Variants in RAB22A observed in about 807,000 individuals in gnomAD.
RAB22A encodes the protein ras-related protein Rab-22A.
In RAB22A, 13 loss-of-function variants were observed where a neutral mutation model predicts 30.2. The observed-to-expected ratio is 0.43, with a 90% CI of 0.28 to 0.68. The LOEUF (loss-of-function observed/expected upper bound fraction) is 0.68, where lower values mean the gene tolerates loss of function less well. RAB22A is among the 30% of genes least tolerant of loss of function. The pLI is 0.18. For synonymous variants in RAB22A, 89 were observed against 87.2 expected, an observed-to-expected ratio of 1.02 and a Z score of -0.11; for missense variants, 177 against 246.8, an observed-to-expected ratio of 0.72 and a Z score of 1.89.
At chr20:58,325,796 G>A (rs999396922) in intron 2 of RAB22A, among the ~76,000 whole-genome samples, 15 of 152,134 alleles carry the variant, frequency 9.9e-5, no homozygotes, top group Admixed American at 6.5e-4. Context: ...ATGTTTATTT[G>A]AAAAGGTTGT....
intron 3 of RAB22A, among the ~76,000 whole-genome samples, chr20:58,352,573 T>G (rs1487968521): frequency 6.6e-6 from 1 of 152,174 alleles, no homozygotes; most frequent in African/African-American, 2.4e-5. Flanking sequence ...TTGAGAGAAA[T>G]AGCTCACTGA....
chr20:58,317,221 C>T (rs148835985), intron 2 of RAB22A, among the ~76,000 whole-genome samples: 2,911 of 152,128 alleles, frequency 0.019, 35 homozygotes, highest in Middle Eastern at 0.031. Context: ...TTCGACCTCC[C>T]GAGTAGCTGG....
chr20:58,334,221 A>G (rs1303931556), intron 2 of RAB22A, among the ~76,000 whole-genome samples: 2 of 151,838 alleles, frequency 1.3e-5, no homozygotes, highest in Non-Finnish European at 2.9e-5. Context: ...TGTAATCCCA[A>G]CTACTTGGGA....
chr20:58,322,555 G>C (rs1986481611), intron 2 of RAB22A, among the ~76,000 whole-genome samples: 1 of 152,162 alleles, frequency 6.6e-6, no homozygotes, highest in South Asian at 2.1e-4. Flanking sequence ...TTGGCCCCAT[G>C]TTAATGATTC....
At chr20:58,333,958 T>C (rs1404389499) in intron 2 of RAB22A, among the ~76,000 whole-genome samples, 2 of 152,122 alleles carry the variant, frequency 1.3e-5, no homozygotes, top group East Asian at 3.8e-4. Context: ...CTTGGGAGAC[T>C]GAGGTGGGAG....
Position 58,311,049 on chromosome 20 carries a change from G to A in RAB22A, c.43G>A (p.Gly15Ser), listed in dbSNP as rs6026192. The A allele has an allele frequency of 1.2e-6, 2 of 1,601,748 alleles. No individual in the cohort carries two copies. The highest frequency in any genetic ancestry group is 1.3e-5 in the African/African-American group (1 of 74,622). Residue 15 changes from glycine (G) to serine (S), a missense_variant, in exon 2 of 7, where the codon GGT becomes AGT. Physicochemically the swap from Gly to Ser is moderately conservative, Grantham distance 56. Transcript: ENST00000244040. ...ELKVCLLGDT[G>S]VGKSSIVWRF... ...TCATCTCGTTCTCTTTCAGGATACA[G>A]GTGTAGGTAAATCGAGTATTGTGTG... is the stretch of plus-strand genomic sequence containing the variant.
Position 58,359,717 on chromosome 20 carries a change from T to A in RAB22A, c.*14T>A. On this transcript the variant is annotated 3_prime_UTR_variant, in exon 7 of 7. Transcript: ENST00000244040. ...AGCTGCTGCTGACCGAACCTCAGCC[T>A]CTCAGACTTGATGATGAAGTAGGTG... is the stretch of plus-strand genomic sequence containing the variant. 1 of 1,588,038 alleles carries A rather than the reference T, an allele frequency of 6.3e-7. No individual in the cohort carries two copies. Among genetic ancestry groups the A allele is most frequent in the Non-Finnish European group, 8.6e-7 (1 of 1,157,092 alleles).
intron 2 of RAB22A, among the ~76,000 whole-genome samples, chr20:58,343,156 A>AG (rs1202120848): frequency 2.6e-5 from 4 of 152,140 alleles, no homozygotes; most frequent in Non-Finnish European, 5.9e-5. Context: ...GGTGGTCGTC[A>AG]GGGGCACTGA....
At chr20:58,338,321 C>T (rs1003290785) in intron 2 of RAB22A, among the ~76,000 whole-genome samples, 7 of 152,162 alleles carry the variant, frequency 4.6e-5, no homozygotes, top group Admixed American at 3.9e-4. Flanking sequence ...CCACCGTGCC[C>T]AGCCTGTTTA....
intron 2 of RAB22A, among the ~76,000 whole-genome samples, chr20:58,341,180 C>G (rs1189025761): frequency 6.6e-6 from 1 of 152,154 alleles, no homozygotes; most frequent in Non-Finnish European, 1.5e-5. Flanking sequence ...AACCTGTTTT[C>G]TCTGAGAAGG....
intron 2 of RAB22A, among the ~76,000 whole-genome samples, chr20:58,327,245 A>C (rs574402527): frequency 6.6e-6 from 1 of 152,238 alleles, no homozygotes; most frequent in Non-Finnish European, 1.5e-5. Flanking sequence ...AAATATTGCT[A>C]AGTAACAAAT....
At chr20:58,331,695 T>C (rs1459508778) in intron 2 of RAB22A, among the ~76,000 whole-genome samples, 1 of 152,140 alleles carries the variant, frequency 6.6e-6, no homozygotes, top group African/African-American at 2.4e-5. Context: ...GGGATACGGT[T>C]CTGGTTCTCC....
chr20:58,331,650 T>C (rs1986662162), intron 2 of RAB22A, among the ~76,000 whole-genome samples: 1 of 152,192 alleles, frequency 6.6e-6, no homozygotes, highest in African/African-American at 2.4e-5. Context: ...TATTTGGCAT[T>C]ATCTTGACTT....
intron 2 of RAB22A, among the ~76,000 whole-genome samples, chr20:58,316,255 G>C (rs1444138735): frequency 6.6e-6 from 1 of 152,116 alleles, no homozygotes; most frequent in African/African-American, 2.4e-5. Context: ...CAGAATTCCT[G>C]CCCTCCCTGC....
chr20:58,357,436 G>A (rs899920002), intron 6 of RAB22A, among the ~76,000 whole-genome samples: 3 of 152,000 alleles, frequency 2.0e-5, no homozygotes, highest in Non-Finnish European at 4.4e-5. Context: ...CAACTCCTTC[G>A]ATGGATTGAA....
At chr20:58,352,659 C>G (rs1987072059) in intron 3 of RAB22A, among the ~76,000 whole-genome samples, 1 of 152,124 alleles carries the variant, frequency 6.6e-6, no homozygotes, top group Admixed American at 6.5e-5. Flanking sequence ...TTGTGGAGGC[C>G]AGGGTGACCA....
intron 2 of RAB22A, among the ~76,000 whole-genome samples, chr20:58,328,605 A>G (rs1038400108): frequency 2.0e-5 from 3 of 152,142 alleles, no homozygotes; most frequent in Admixed American, 6.5e-5. Flanking sequence ...TGGCTATTTG[A>G]GGTTTAAAAA....
chr20:58,338,269 G>T (rs899255674), intron 2 of RAB22A, among the ~76,000 whole-genome samples: 6 of 152,108 alleles, frequency 3.9e-5, no homozygotes, highest in Non-Finnish European at 8.8e-5. Flanking sequence ...TCAAGTATCA[G>T]CCCGCCTCAG....
intron 3 of RAB22A, among the ~76,000 whole-genome samples, chr20:58,348,152 G>C (rs749161094): frequency 1.3e-5 from 2 of 152,042 alleles, no homozygotes; most frequent in Non-Finnish European, 2.9e-5. Context: ...ACTTGATCCC[G>C]GGAGGTGGAG....
Sources: allele counts gnomAD v4.1 joint callset (sites outside exome capture counted in the v4.1 genomes callset), GRCh38; gene constraint gnomAD v4.1.1; transcripts MANE v1.5; gene names NCBI Gene and HGNC (gene_info 2026-07-23, HGNC 2026-07-21).